The following DENND2B variants were observed in gnomAD, a reference collection of about 807,000 sequenced individuals.
DENND2B encodes DENN domain containing 2B, also known as DENN domain-containing protein 2B.
Under a neutral mutation model 116.0 loss-of-function variants are expected in DENND2B, and 32 were observed. That is an observed-to-expected ratio of 0.28 (90% CI 0.21 to 0.37). DENND2B has a LOEUF of 0.37. Among genes scored for constraint, DENND2B ranks in the 10% least tolerant of loss-of-function variants. The pLI is 1.00. For missense variants in DENND2B, 1,276 were observed against 1,477.7 expected, an observed-to-expected ratio of 0.86 and a Z score of 2.24; for synonymous variants, 588 against 583.9, an observed-to-expected ratio of 1.01 and a Z score of -0.10.
intron 4 of DENND2B, among the ~76,000 whole-genome samples, chr11:8,720,876 C>T (rs921669869): frequency 6.6e-6 from 1 of 152,172 alleles, no homozygotes; most frequent in African/African-American, 2.4e-5. Context: ...GTGTGCAGAA[C>T]ATCCTAGGGA....
At chr11:8,742,098 C>T (rs1316663243) in intron 2 of DENND2B, among the ~76,000 whole-genome samples, 1 of 152,134 alleles carries the variant, frequency 6.6e-6, no homozygotes, top group Non-Finnish European at 1.5e-5. Context: ...CAGGGTCTTG[C>T]TATGTTGCCC....
At chr11:8,900,165 C>T (rs2064146682) in intron 1 of DENND2B, among the ~76,000 whole-genome samples, 1 of 152,020 alleles carries the variant, frequency 6.6e-6, no homozygotes, top group African/African-American at 2.4e-5. Flanking sequence ...GTGGCTCACG[C>T]CTATAATCCC....
chr11:8,877,404 CTT>C (rs1173284773), intron 2 of DENND2B: 9 of 144,516 alleles, frequency 6.2e-5, no homozygotes, highest in Admixed American at 1.4e-4. Context: ...CGTGCCCGGC[CTT>C]TTTTTTTTTT....
At chr11:8,896,768 G>A (rs561656995) in intron 1 of DENND2B, among the ~76,000 whole-genome samples, 1 of 152,350 alleles carries the variant, frequency 6.6e-6, no homozygotes, top group African/African-American at 2.4e-5. Context: ...AGGCTAATGT[G>A]AGTGTTCTGA....
chr11:8,837,155 A>C (rs920009978), intron 4 of DENND2B, among the ~76,000 whole-genome samples: 5 of 150,484 alleles, frequency 3.3e-5, no homozygotes, highest in African/African-American at 1.2e-4. Context: ...AAAAAAGTCT[A>C]AACTATGCAA....
chr11:8,859,145 C>G (rs1425400041), intron 2 of DENND2B, among the ~76,000 whole-genome samples: 1 of 152,216 alleles, frequency 6.6e-6, no homozygotes, highest in Non-Finnish European at 1.5e-5. Context: ...GTATCAATAA[C>G]TCAAAATTTA....
chr11:8,726,397 G>T (rs1029759811), intron 3 of DENND2B, 188 bp from the exon 4 acceptor site: 2 of 676,596 alleles, frequency 3.0e-6, no homozygotes, highest in East Asian at 5.9e-5. Context: ...CCCAGCCTGG[G>T]TGCCTGCAAT....
At chr11:8,894,462 A>T (rs1333138223) in intron 1 of DENND2B, among the ~76,000 whole-genome samples, 1 of 152,092 alleles carries the variant, frequency 6.6e-6, no homozygotes, top group African/African-American at 2.4e-5. Flanking sequence ...TGAACAGGCA[A>T]CCTACAAAAT....
chr11:8,891,890 C>T (rs2064038477), intron 1 of DENND2B, among the ~76,000 whole-genome samples: 2 of 152,180 alleles, frequency 1.3e-5, no homozygotes, highest in Admixed American at 1.3e-4. Context: ...ACCAAGCGGA[C>T]CTAATAGACA....
chr11:8,863,937 A>G (rs2063492891), intron 2 of DENND2B, among the ~76,000 whole-genome samples: 1 of 152,136 alleles, frequency 6.6e-6, no homozygotes, highest in South Asian at 2.1e-4. Flanking sequence ...CCCTGGCTCA[A>G]GAGGCAAGAC....
intron 3 of DENND2B, among the ~76,000 whole-genome samples, chr11:8,841,974 C>T (rs1267210739): frequency 2.0e-5 from 3 of 152,164 alleles, no homozygotes; most frequent in Non-Finnish European, 4.4e-5. Flanking sequence ...CCATTCTCCA[C>T]GATTTCAGCA....
At chr11:8,890,605 A>C (rs1299636050) in intron 1 of DENND2B, among the ~76,000 whole-genome samples, 3 of 152,256 alleles carry the variant, frequency 2.0e-5, no homozygotes, top group Non-Finnish European at 4.4e-5. Flanking sequence ...CACAAGCTTC[A>C]GTAGCCAATT....
rs141148522 is a variant in DENND2B, at chr11:8,696,371, T to C, written c.3292+56A>G. On this transcript the variant is annotated intron_variant, in intron 18 of 19. Transcript: ENST00000313726. ...GAGCTTCCATCATAGTGCCTGGTTC[T>C]TCAGCCCTGCTGTGGGTGAAAAAAT... 2.0e-4 allele frequency: 318 copies of C among 1,597,914 alleles called. No homozygotes were observed. In the African/African-American group the frequency reaches 4.0e-3, roughly 20 times the overall value.
intron 1 of DENND2B, among the ~76,000 whole-genome samples, chr11:8,801,120 C>T (rs1255636821): frequency 1.3e-5 from 2 of 151,790 alleles, no homozygotes; most frequent in African/African-American, 2.4e-5. Context: ...CTGGGTCTGC[C>T]ATGTCCCTAT....
intron 4 of DENND2B, 145 bp downstream of exon 4, chr11:8,725,928 C>T: frequency 8.4e-7 from 1 of 1,184,224 alleles, no homozygotes; most frequent in Non-Finnish European, 1.2e-6. Context: ...AAGGTGCTTC[C>T]CCTGATGTCC....
At chr11:8,900,292 G>T (rs1323224588) in intron 1 of DENND2B, among the ~76,000 whole-genome samples, 1 of 151,894 alleles carries the variant, frequency 6.6e-6, no homozygotes, top group Admixed American at 6.6e-5. Flanking sequence ...AATTAGCTGG[G>T]TGTGGTGGTG....
intron 8 of DENND2B, among the ~76,000 whole-genome samples, chr11:8,713,499 C>T (rs867109089): frequency 2.0e-5 from 3 of 152,130 alleles, no homozygotes; most frequent in Non-Finnish European, 2.9e-5. Flanking sequence ...CCTGCCTCAG[C>T]CTCCCAAGTA....
chr11:8,721,398 G>T (rs2046148562), intron 4 of DENND2B, among the ~76,000 whole-genome samples: 2 of 152,088 alleles, frequency 1.3e-5, no homozygotes, highest in Admixed American at 6.5e-5. Flanking sequence ...GTTAGGAAAG[G>T]GGTGTGTGTA....
Position 8,730,953 on chromosome 11 carries a change from C to T in DENND2B, c.337G>A (p.Ala113Thr), listed in dbSNP as rs1312707636. ...DRSPSACKRDAQKESVQGAAQ... is the reference protein window; with the variant it reads ...DRSPSACKRDTQKESVQGAAQ... The stretch of plus-strand genomic sequence containing the variant: ...GCGCCTTGGACACTTTCCTTTTGGG[C>T]GTCTCTCTTGCACGCCGAAGGGCTT... The change falls in exon 3 of 20, where the codon GCC becomes ACC. Residue 113 changes from alanine to threonine, a missense_variant. This residue lies in a region of DENND2B where 856 missense variants were observed against 846.6 expected (regional missense o/e 1.01). Transcript: ENST00000313726. This position sits in a 1 kb window ranked among gnomAD's most constrained non-coding sequence, Gnocchi z 4.1. 1.1e-5 allele frequency: 17 copies of T among 1,614,110 alleles called. No homozygotes were observed. The highest frequency in any genetic ancestry group is 9.3e-5 in the African/African-American group (7 of 74,950).
Sources: allele counts gnomAD v4.1 joint callset (sites outside exome capture counted in the v4.1 genomes callset), GRCh38; gene constraint gnomAD v4.1.1; regional missense constraint gnomAD v4.1.1; non-coding constraint Gnocchi (gnomAD v3.1); transcripts MANE v1.5; gene names NCBI Gene and HGNC (gene_info 2026-07-23, HGNC 2026-07-21).